TLE5: variants seen among roughly 807,000 people sequenced by gnomAD.
The protein encoded by TLE5 is TLE family member 5, transcriptional modulator, also known as TLE family member 5.
In TLE5, 7 loss-of-function variants were observed where a neutral mutation model predicts 25.8. The observed-to-expected ratio is 0.27, with a 90% CI of 0.15 to 0.51. TLE5 has a LOEUF of 0.51. Among genes scored for constraint, TLE5 ranks in the 20% least tolerant of loss-of-function variants. The probability of loss-of-function intolerance (pLI) is 0.97; values close to 1 mark genes in which losing one functional copy is unlikely to be tolerated. For missense variants in TLE5, 149 were observed against 250.7 expected, an observed-to-expected ratio of 0.59 and a Z score of 2.74; for synonymous variants, 132 against 110.5, an observed-to-expected ratio of 1.20 and a Z score of -1.22.
rs1048543597 is a variant in TLE5 at position 3,058,316 on chromosome 19, C to T, written c.126-574G>A. Among the ~76,000 whole-genome samples, 10 of 152,148 alleles carry T rather than the reference C, an allele frequency of 6.6e-5. No homozygotes were observed. In the East Asian group the frequency reaches 7.7e-4, roughly 12 times the overall value. ...GACGAGGCCCGCAACGTCATTGTCA[C>T]GCTCCTTTTATAGATGACACAGTGG... is the stretch of plus-strand genomic sequence containing the variant. On this transcript the variant is annotated intron_variant, in intron 2 of 6. Transcript: ENST00000327141.
chr19:3,054,086 T>TCGGGGGGGGGGGGGCC, intron 6 of TLE5, 34 bp downstream of exon 6: 6 of 1,512,758 alleles, frequency 4.0e-6, no homozygotes, highest in African/African-American at 1.4e-5. Flanking sequence ...GGCCCACCTG[T>TCGGGGGGGGGGGGGCC]CCCCCGCCCA....
At position 3,055,733 on chromosome 19, in the gene TLE5, C is replaced by T. The variant is rs2090211164; in HGVS notation, c.235-7G>A. 2.5e-6 allele frequency: 4 copies of T among 1,605,710 alleles called. No individual in the cohort carries two copies. The highest frequency in any genetic ancestry group is 1.3e-5 in the African/African-American group (1 of 74,742). ...GCCTTTTGACGATCTCAGCCTGGAA[C>T]ACACAGATGAAGCCGGCTTCAGTCC... On this transcript the variant is annotated splice_region_variant and splice_polypyrimidine_tract_variant and intron_variant, in intron 4 of 6. Coordinates refer to ENST00000327141, the MANE Select transcript of TLE5 (RefSeq NM_001130.6).
At chr19:3,057,841 C>T in intron 2 of TLE5, 99 bp from the exon 3 acceptor site, 1 of 1,111,862 alleles carries the variant, frequency 9.0e-7, no homozygotes, top group Admixed American at 2.0e-5. Flanking sequence ...CTCCAAGTCC[C>T]CTGTAAGGGC....
chr19:3,058,387 C>T (rs896259281), intron 2 of TLE5, among the ~76,000 whole-genome samples: 1 of 152,116 alleles, frequency 6.6e-6, no homozygotes, highest in African/African-American at 2.4e-5. Context: ...CACAGCCAAG[C>T]AGCAGCCCAA....
intron 2 of TLE5, among the ~76,000 whole-genome samples, chr19:3,058,434 T>C (rs73921204): frequency 0.018 from 2,709 of 152,098 alleles, 73 homozygotes; most frequent in African/African-American, 0.059. Flanking sequence ...CAGACCCAAA[T>C]AGAACGTACA....
At chr19:3,062,719 C>T, upstream of TLE5, 1 of 1,526,768 alleles carries the variant, frequency 6.5e-7, no homozygotes, top group Non-Finnish European at 8.8e-7. Flanking sequence ...GGCCGGGCCT[C>T]GGTTTCCCCA....
chr19:3,057,786 G>A (rs778376086), intron 2 of TLE5, 44 bp from the exon 3 acceptor site: 4 of 1,590,210 alleles, frequency 2.5e-6, no homozygotes, highest in Admixed American at 1.7e-5. Context: ...GTGGCGGCTG[G>A]GCGGGAGCCC....
At chr19:3,056,185 C>T (rs1347152126) in intron 4 of TLE5, 127 bp downstream of exon 4, 3 of 599,718 alleles carry the variant, frequency 5.0e-6, no homozygotes, top group African/African-American at 4.0e-5. Flanking sequence ...AACAGGATAA[C>T]CGGGCTGGCT....
Position 3,057,791 on chromosome 19 carries a change from G to A in TLE5, c.126-49C>T, listed in dbSNP as rs768168975. The A allele has an allele frequency of 2.6e-6, 4 of 1,565,090 alleles. No individual in the cohort carries two copies. In the South Asian group the frequency reaches 3.4e-5, roughly 13 times the overall value. ...GGGGTGGTTAGTGGCGGCTGGGCGGGAGCCCCCCACCCTCCGTTATCCAGG... is the reference window on the plus strand; with the variant it reads ...GGGGTGGTTAGTGGCGGCTGGGCGGAAGCCCCCCACCCTCCGTTATCCAGG... On this transcript the variant is annotated intron_variant, in intron 2 of 6. Coordinates refer to ENST00000327141, the MANE Select transcript of TLE5 (RefSeq NM_001130.6).
At chr19:3,060,728 A>G (rs534337817) in intron 2 of TLE5, among the ~76,000 whole-genome samples, 4 of 152,318 alleles carry the variant, frequency 2.6e-5, no homozygotes, top group Admixed American at 2.6e-4. Context: ...GATTTCTGAA[A>G]GAAGCAGCAC....
At chr19:3,058,151 G>A (rs1212776166) in intron 2 of TLE5, among the ~76,000 whole-genome samples, 10 of 152,060 alleles carry the variant, frequency 6.6e-5, no homozygotes, top group Non-Finnish European at 1.3e-4. Context: ...TGTAAGAAGG[G>A]GGTGATGAAA....
At chr19:3,061,807 T>C (rs1020009555) in intron 1 of TLE5, among the ~76,000 whole-genome samples, 62 of 146,622 alleles carry the variant, frequency 4.2e-4, no homozygotes, top group Non-Finnish European at 8.0e-4. Flanking sequence ...ATCCCCGGGC[T>C]AGAGGTGCCT....
At chr19:3,059,130 T>C (rs2090243646) in intron 2 of TLE5, among the ~76,000 whole-genome samples, 2 of 151,204 alleles carry the variant, frequency 1.3e-5, no homozygotes, top group African/African-American at 2.4e-5. Context: ...CGGAGAAGAG[T>C]GTGCCGGGTT....
At chr19:3,055,920 G>A in intron 4 of TLE5, 194 bp from the exon 5 acceptor site, 1 of 560,512 alleles carries the variant, frequency 1.8e-6, no homozygotes. Flanking sequence ...GGTGGGGCTG[G>A]ACACCGGCTG....
upstream of TLE5, chr19:3,062,569 G>T: frequency 2.4e-6 from 2 of 847,842 alleles, no homozygotes; most frequent in Non-Finnish European, 2.8e-6. Flanking sequence ...CCGCCGAGGG[G>T]GGGGACGCGC....
At chr19:3,054,086 T>TGGGGGGGGGGCCCCCC in intron 6 of TLE5, 34 bp downstream of exon 6, 7 of 1,512,748 alleles carry the variant, frequency 4.6e-6, no homozygotes, top group African/African-American at 1.4e-5. Context: ...GGCCCACCTG[T>TGGGGGGGGGGCCCCCC]CCCCCGCCCA....
At chr19:3,055,794 C>A (rs1244690392) in intron 4 of TLE5, 68 bp from the exon 5 acceptor site, 1 of 1,508,170 alleles carries the variant, frequency 6.6e-7, no homozygotes, top group African/African-American at 1.4e-5. Flanking sequence ...CCACAGGAGG[C>A]CTGCGCGGGG....
chr19:3,057,742 G>A lies in TLE5; in HGVS notation c.126C>T (p.Ser42=), dbSNP rs771873845. 1.2e-6 allele frequency: 2 copies of A among 1,613,516 alleles called. No individual in the cohort carries two copies. Among genetic ancestry groups the A allele is most frequent in the Admixed American group, 1.7e-5 (1 of 59,994 alleles). ...CCAACTTGTCACATTCGAGCTTGAG[G>A]CTGAGGAGGCACAGGGGGGAGATGG... is the stretch of plus-strand genomic sequence containing the variant. ...EFQLLQAQYH[S]LKLECDKLAS... The change falls in exon 3 of 7, where the codon AGC becomes AGT. Residue 42 remains serine (S), a splice_region_variant and synonymous_variant. Transcript: ENST00000327141.
chr19:3,057,771 G>T, intron 2 of TLE5, 29 bp from the exon 3 acceptor site: 1 of 1,610,150 alleles, frequency 6.2e-7, no homozygotes, highest in Non-Finnish European at 8.5e-7. Flanking sequence ...GAGATGGGGT[G>T]GTTAGTGGCG....
Sources: gnomAD v4.1 joint callset for allele counts (sites outside exome capture counted in the v4.1 genomes callset) on GRCh38, gnomAD v4.1.1 for gene constraint, MANE v1.5 for transcripts, NCBI Gene and HGNC (gene_info 2026-07-23, HGNC 2026-07-21) for gene names.